Variants in OSCP1 observed in about 807,000 individuals in gnomAD.
OSCP1 encodes the protein organic solute carrier partner 1.
Under a neutral mutation model 45.1 loss-of-function variants are expected in OSCP1, and 35 were observed. That is an observed-to-expected ratio of 0.78 (90% CI 0.59 to 1.03). The LOEUF (loss-of-function observed/expected upper bound fraction) is 1.03. Among genes scored for constraint, OSCP1 ranks in the 50% least tolerant of loss-of-function variants. The pLI, the probability that OSCP1 is intolerant of heterozygous loss-of-function variation, is 0.00. For missense variants in OSCP1, 400 were observed against 470.7 expected (o/e 0.85, Z 1.39); for synonymous variants, 179 against 180.1 (o/e 0.99, Z 0.05).
chr1:36,450,240 G>T lies in OSCP1; in HGVS notation c.112+18C>A, dbSNP rs758642416. On this transcript the variant is annotated intron_variant, in intron 1 of 9. Transcript: ENST00000235532. ...CTGCTGGCTGCGGGTCTGGCTGAGC[G>T]GGCCGGGGGCCTCTCACCTTTGCGG... is the stretch of plus-strand genomic sequence containing the variant. 2.5e-6 allele frequency: 4 copies of T among 1,601,932 alleles called. No homozygotes were observed. The highest frequency in any genetic ancestry group is 3.4e-6 in the Non-Finnish European group (4 of 1,170,366).
chr1:36,444,627 C>T (rs1162495026), intron 1 of OSCP1, among the ~76,000 whole-genome samples: 2 of 152,028 alleles, frequency 1.3e-5, no homozygotes, highest in African/African-American at 2.4e-5. Context: ...TAAAAAGAAG[C>T]GAATAATGAT....
chr1:36,420,735 C>A, intron 7 of OSCP1, 120 bp from the exon 8 acceptor site: 2 of 1,344,508 alleles, frequency 1.5e-6, no homozygotes, highest in Non-Finnish European at 2.0e-6. Flanking sequence ...TAAATTATTT[C>A]TGGGTCCAAA....
chr1:36,447,456 G>A lies in OSCP1; in HGVS notation c.112+2802C>T, dbSNP rs993934590. Reference sequence around the variant, plus strand: ...CAGCAGAGTATAGTGGTTATAGTAAGGGGACTAAGTGGTTATAGTAAGGGG... The same window carrying A: ...CAGCAGAGTATAGTGGTTATAGTAAAGGGACTAAGTGGTTATAGTAAGGGG... On this transcript the variant is annotated intron_variant, in intron 1 of 9. Transcript: ENST00000235532. The surrounding 1 kb of genome is among the most constrained non-coding windows in gnomAD (Gnocchi z 4.1). Among the ~76,000 whole-genome samples, 1 of 152,186 alleles carries A rather than the reference G, an allele frequency of 6.6e-6. No homozygotes were observed. Among genetic ancestry groups the A allele is most frequent in the Non-Finnish European group, 1.5e-5 (1 of 68,038 alleles).
At chr1:36,422,115 A>G in intron 7 of OSCP1, 35 bp downstream of exon 7, 1 of 1,582,234 alleles carries the variant, frequency 6.3e-7, no homozygotes, top group Non-Finnish European at 8.7e-7. Context: ...TCTAGAGAGA[A>G]GCTGTGAGGG....
intron 1 of OSCP1, among the ~76,000 whole-genome samples, chr1:36,442,261 G>A (rs917648846): frequency 6.6e-6 from 1 of 151,822 alleles, no homozygotes; most frequent in Non-Finnish European, 1.5e-5. Flanking sequence ...GCAGGGGAGG[G>A]AAGGGATTTT....
chr1:36,427,671 G>A (rs1195584157), intron 4 of OSCP1, among the ~76,000 whole-genome samples: 1 of 152,060 alleles, frequency 6.6e-6, no homozygotes, highest in Non-Finnish European at 1.5e-5. Context: ...AAATCAATAT[G>A]GCTGTTTATG....
At chr1:36,443,258 C>T (rs1649309371) in intron 1 of OSCP1, among the ~76,000 whole-genome samples, 1 of 152,198 alleles carries the variant, frequency 6.6e-6, no homozygotes, top group African/African-American at 2.4e-5. Context: ...GCCACTGCAC[C>T]TGGCCTCTTA....
Position 36,423,040 on chromosome 1 carries a change from A to G in OSCP1, c.621-144T>C. 5.7e-6 allele frequency: 3 copies of G among 524,628 alleles called. No homozygotes were observed. In the East Asian group the frequency reaches 1.1e-4, roughly 19 times the overall value. The allele number at this position is 524,628 out of a possible 1,614,324, so 32.5% of individuals were successfully genotyped here. ...TGCTGGTTGTAATAATAATAATAAT[A>G]ATACAATAATAATATTTATTGAGCA... On this transcript the variant is annotated intron_variant, in intron 5 of 9. Transcript: ENST00000235532.
chr1:36,422,714 TA>T, intron 6 of OSCP1, 53 bp downstream of exon 6: 3 of 1,399,612 alleles, frequency 2.1e-6, no homozygotes, highest in Admixed American at 2.5e-5. Context: ...TTTTTTTTTT[TA>T]AATGAAGTGA....
At chr1:36,434,867 C>G (rs1241143356) in intron 2 of OSCP1, among the ~76,000 whole-genome samples, 1 of 151,626 alleles carries the variant, frequency 6.6e-6, no homozygotes, top group Non-Finnish European at 1.5e-5. Context: ...TGAGACTCTG[C>G]CATCATTGTC....
intron 8 of OSCP1, among the ~76,000 whole-genome samples, chr1:36,419,750 C>T (rs890170414): frequency 6.6e-6 from 1 of 152,158 alleles, no homozygotes; most frequent in African/African-American, 2.4e-5. Flanking sequence ...GTCATCCTGG[C>T]TTCTAACACT....
chr1:36,421,397 A>T (rs1647609005), intron 7 of OSCP1, among the ~76,000 whole-genome samples: 1 of 151,864 alleles, frequency 6.6e-6, no homozygotes, highest in South Asian at 2.1e-4. Flanking sequence ...CTGCTGTTTC[A>T]TAGTTTACCT....
At chr1:36,440,440 A>G (rs1649057396) in intron 1 of OSCP1, among the ~76,000 whole-genome samples, 1 of 152,230 alleles carries the variant, frequency 6.6e-6, no homozygotes, top group Non-Finnish European at 1.5e-5. Flanking sequence ...CCATACAGAA[A>G]TGCTAAACTC....
intron 1 of OSCP1, among the ~76,000 whole-genome samples, chr1:36,440,292 C>T (rs190539825): frequency 1.3e-5 from 2 of 152,232 alleles, no homozygotes; most frequent in African/African-American, 4.8e-5. Context: ...TAAAGCATTT[C>T]AACACATTTT....
At chr1:36,424,847 T>G (rs1378007812) in intron 4 of OSCP1, among the ~76,000 whole-genome samples, 2 of 152,188 alleles carry the variant, frequency 1.3e-5, no homozygotes, top group Non-Finnish European at 2.9e-5. Context: ...ACTCTAATAT[T>G]CTATAAGGTT....
chr1:36,426,320 T>C (rs1647961107), intron 4 of OSCP1, among the ~76,000 whole-genome samples: 2 of 152,182 alleles, frequency 1.3e-5, no homozygotes, highest in South Asian at 4.1e-4. Flanking sequence ...TAGGTCTGTT[T>C]GCTTGCTCAG....
At chr1:36,437,149 G>A (rs867662592) in intron 2 of OSCP1, among the ~76,000 whole-genome samples, 7 of 152,156 alleles carry the variant, frequency 4.6e-5, no homozygotes, top group South Asian at 4.2e-4. Context: ...TCTTTAAAGT[G>A]CAGCCCCCAC....
chr1:36,426,385 G>A (rs987334808), intron 4 of OSCP1, among the ~76,000 whole-genome samples: 7 of 151,822 alleles, frequency 4.6e-5, no homozygotes, highest in Non-Finnish European at 5.9e-5. Flanking sequence ...AGGTGATCTC[G>A]TCTCCTCCCA....
chr1:36,425,183 A>AAT (rs1647891691), intron 4 of OSCP1, among the ~76,000 whole-genome samples: 1 of 151,778 alleles, frequency 6.6e-6, no homozygotes, highest in South Asian at 2.1e-4. Flanking sequence ...AAAAAAAAAA[A>AAT]AAAAAATGGA....
Sources: allele counts gnomAD v4.1 joint callset (sites outside exome capture counted in the v4.1 genomes callset), GRCh38; gene constraint gnomAD v4.1.1; non-coding constraint Gnocchi (gnomAD v3.1); transcripts MANE v1.5; gene names NCBI Gene and HGNC (gene_info 2026-07-23, HGNC 2026-07-21).